Variants in FBXL13 observed in about 807,000 individuals in gnomAD.
The protein encoded by FBXL13 is F-box and leucine rich repeat protein 13.
In FBXL13, 67 loss-of-function variants were observed where a neutral mutation model predicts 83.6. The ratio of observed to expected loss-of-function variants is 0.80; its 90% CI spans 0.66 to 0.98. The LOEUF is 0.98. Among genes scored for constraint, FBXL13 ranks in the 50% least tolerant of loss-of-function variants. The probability of loss-of-function intolerance (pLI) is 0.00; values close to 1 mark genes in which losing one functional copy is unlikely to be tolerated. For missense variants in FBXL13, 822 were observed against 866.5 expected (o/e 0.95, Z 0.64); for synonymous variants, 272 against 299.5 (o/e 0.91, Z 0.95).
chr7:103,074,724 T>C (rs1395379983), upstream of FBXL13: 3 of 1,289,726 alleles, frequency 2.3e-6, no homozygotes, highest in Non-Finnish European at 3.0e-6. Context: ...GTAGTTCTCC[T>C]TGAAGTAGTT....
chr7:102,956,368 T>C (rs1385560979), intron 8 of FBXL13, among the ~76,000 whole-genome samples: 3 of 152,148 alleles, frequency 2.0e-5, no homozygotes, highest in South Asian at 2.1e-4. Context: ...AAACTAGGTA[T>C]TGATGGAACG....
In FBXL13 at chr7:103,058,280, T is replaced by G. The variant is rs141426415; in HGVS notation, c.-104-2533A>C. Among the ~76,000 whole-genome samples, 731 of 152,330 alleles carry G rather than the reference T, an allele frequency of 4.8e-3. 6 individuals are homozygous for G. The highest frequency in any genetic ancestry group is 0.017 in the African/African-American group (691 of 41,576). ...CTCTGCCTTCAGACCAAGCCCATAG[T>G]AACTGCTTACAAGTGCTCAGCCACC... On this transcript the variant is annotated intron_variant, in intron 1 of 19. Transcript: ENST00000313221.
intron 2 of FBXL13, among the ~76,000 whole-genome samples, chr7:103,034,669 A>C (rs1163575341): frequency 6.6e-6 from 1 of 152,204 alleles, no homozygotes; most frequent in African/African-American, 2.4e-5. Context: ...TGGCAGGCTG[A>C]AAGGCTCCTA....
chr7:103,021,849 TG>T (rs1346784392), intron 6 of FBXL13, among the ~76,000 whole-genome samples: 4 of 152,144 alleles, frequency 2.6e-5, no homozygotes, highest in African/African-American at 9.7e-5. Flanking sequence ...GGAGAGGATG[TG>T]GAGAAATAGT....
intron 1 of FBXL13, among the ~76,000 whole-genome samples, chr7:103,064,899 T>C (rs189407919): frequency 6.6e-6 from 1 of 152,310 alleles, no homozygotes; most frequent in African/African-American, 2.4e-5. Flanking sequence ...TTCACAGACC[T>C]GGCTGAACTC....
intron 6 of FBXL13, among the ~76,000 whole-genome samples, chr7:102,983,923 G>C (rs1421443147): frequency 6.6e-6 from 1 of 152,114 alleles, no homozygotes; most frequent in African/African-American, 2.4e-5. Flanking sequence ...TGCAGTACTT[G>C]AGCTGGAAAT....
intron 8 of FBXL13, among the ~76,000 whole-genome samples, chr7:102,952,062 C>T (rs1823507402): frequency 6.6e-6 from 1 of 151,970 alleles, no homozygotes; most frequent in South Asian, 2.1e-4. Flanking sequence ...ACCCTGACGA[C>T]ATTGTGCTAA....
Position 102,912,671 on chromosome 7 carries a change from A to ACCC in FBXL13, c.1008+412_1008+414dup, listed in dbSNP as rs3832498. ...TCCTATTTATCACTTATAGCATTTT[A>ACCC]CCCCCCCCCCCCCAAAAAAAAACCC... On this transcript the variant is annotated intron_variant, in intron 11 of 19. Transcript: ENST00000313221. Among the ~76,000 whole-genome samples, 21 of 73,616 alleles carry ACCC rather than the reference A, an allele frequency of 2.9e-4. No individual in the cohort carries two copies. In the East Asian group the frequency reaches 4.7e-3, roughly 16 times the overall value. The allele number at this position is 73,616 out of a possible 152,430, so 48.3% of individuals were successfully genotyped here. A position where few individuals can be genotyped will look rare whatever the true frequency, so the allele number is the denominator to read the frequency against.
At chr7:102,827,117 T>C in intron 18 of FBXL13, 5 of 454,500 alleles carry the variant, frequency 1.1e-5, no homozygotes, top group Non-Finnish European at 1.3e-5. Flanking sequence ...CATATTCTTC[T>C]GAGCCAGGCC....
At chr7:102,932,555 T>C (rs1040723711) in intron 8 of FBXL13, among the ~76,000 whole-genome samples, 1 of 149,774 alleles carries the variant, frequency 6.7e-6, no homozygotes, top group African/African-American at 2.5e-5. Context: ...AACAGAATAG[T>C]TGACATACAG....
rs35025022 is a variant in FBXL13 at position 102,929,663 on chromosome 7, CAAAA to C, written c.777+2214_777+2217del. Among the ~76,000 whole-genome samples the C allele has an allele frequency of 9.7e-4, 89 of 91,476 alleles. 1 individual carries two copies. The highest frequency in any genetic ancestry group is 4.2e-3 in the African/African-American group (89 of 21,118). 60.0% of individuals were successfully genotyped at this position (91,476 alleles called of 152,430 possible). ...TGGGCAACAGAGTGAGACTCCATCT[CAAAA>C]AAAAAAAAAAAAAAAAATTAATTAA... On this transcript the variant is annotated intron_variant, in intron 9 of 19. Transcript: ENST00000313221.
intron 11 of FBXL13, among the ~76,000 whole-genome samples, chr7:102,904,332 T>C (rs1446377485): frequency 1.3e-5 from 2 of 152,094 alleles, no homozygotes; most frequent in African/African-American, 4.8e-5. Context: ...GCAGTAACAG[T>C]TGTAATGTCT....
At chr7:102,999,038 C>T (rs570422809) in intron 6 of FBXL13, among the ~76,000 whole-genome samples, 10 of 151,952 alleles carry the variant, frequency 6.6e-5, no homozygotes, top group South Asian at 4.2e-4. Flanking sequence ...TCATTCAGTA[C>T]GACGTTAGTT....
intron 8 of FBXL13, among the ~76,000 whole-genome samples, chr7:102,943,214 C>T (rs986580329): frequency 3.9e-5 from 6 of 152,000 alleles, no homozygotes; most frequent in Admixed American, 2.6e-4. Context: ...TACTGATATC[C>T]CAGGAACTGT....
intron 6 of FBXL13, chr7:102,988,722 C>G (rs149078060): frequency 6.6e-6 from 1 of 152,150 alleles, no homozygotes; most frequent in Non-Finnish European, 1.5e-5. Context: ...GGTATCTCTA[C>G]GCAGAAGAAA....
chr7:103,016,220 A>T (rs1792290961), intron 6 of FBXL13, among the ~76,000 whole-genome samples: 1 of 152,076 alleles, frequency 6.6e-6, no homozygotes, highest in Non-Finnish European at 1.5e-5. Flanking sequence ...CCTAAGTGAA[A>T]AGAACAATGC....
chr7:102,813,344 A>G (rs1452484709), exon 20 of FBXL13: 2 of 1,604,450 alleles, frequency 1.2e-6, no homozygotes, highest in Non-Finnish European at 8.5e-7. Context: ...GCTGAAGGTC[A>G]CGCTGCTTGG....
intron 11 of FBXL13, among the ~76,000 whole-genome samples, chr7:102,909,777 C>T (rs576341178): frequency 7.2e-5 from 11 of 152,304 alleles, no homozygotes; most frequent in African/African-American, 2.6e-4. Flanking sequence ...AGACAAAGTC[C>T]TCCCTACTCG....
chr7:103,013,502 A>G (rs1791887827), intron 6 of FBXL13, among the ~76,000 whole-genome samples: 1 of 152,256 alleles, frequency 6.6e-6, no homozygotes, highest in Non-Finnish European at 1.5e-5. Context: ...ATACAATTAC[A>G]TGGAAATTAA....
Sources: gnomAD v4.1 joint callset for allele counts (sites outside exome capture counted in the v4.1 genomes callset) on GRCh38, gnomAD v4.1.1 for gene constraint, MANE v1.5 for transcripts, NCBI Gene and HGNC (gene_info 2026-07-23, HGNC 2026-07-21) for gene names.